The following KIAA0319 variants were observed in gnomAD, a reference collection of about 807,000 sequenced individuals.
KIAA0319 encodes dyslexia-associated protein KIAA0319.
In KIAA0319, 83 loss-of-function variants were observed where a neutral mutation model predicts 108.4. The observed-to-expected ratio is 0.77, with a 90% CI of 0.64 to 0.92. KIAA0319 has a LOEUF of 0.92. Among genes scored for constraint, KIAA0319 ranks in the 40% least tolerant of loss-of-function variants. The probability of loss-of-function intolerance (pLI) is 0.00; values close to 1 mark genes in which losing one functional copy is unlikely to be tolerated. For missense variants in KIAA0319, 1,195 were observed against 1,322.4 expected, an observed-to-expected ratio of 0.90 and a Z score of 1.49; for synonymous variants, 484 against 510.4, an observed-to-expected ratio of 0.95 and a Z score of 0.70.
chr6:24,639,033 A>C (rs1776577338), intron 1 of KIAA0319, among the ~76,000 whole-genome samples: 1 of 152,242 alleles, frequency 6.6e-6, no homozygotes, highest in Admixed American at 6.5e-5. Context: ...AAAACATCAC[A>C]TCTTTCCTGG....
rs752887179 is a variant in KIAA0319 at position 24,610,723 on chromosome 6, C to CA, written c.-105-9516dup. Among the ~76,000 whole-genome samples, 217 of 152,108 alleles carry CA rather than the reference C, an allele frequency of 1.4e-3. 2 individuals carry two copies. Among genetic ancestry groups the CA allele is most frequent in the Admixed American group, 1.2e-3 (18 of 15,290 alleles). ...ATCGCTTGAGCCCACGAGTTTGTGA[C>CA]AAGCCTGGGCAACATAGGCTGAGCC... is the stretch of plus-strand genomic sequence containing the variant. On this transcript the variant is annotated intron_variant, in intron 1 of 20. Coordinates refer to ENST00000378214, the MANE Select transcript of KIAA0319 (RefSeq NM_014809.4).
At chr6:24,609,873 C>G (rs1029123711) in intron 1 of KIAA0319, among the ~76,000 whole-genome samples, 13 of 152,026 alleles carry the variant, frequency 8.6e-5, no homozygotes, top group African/African-American at 2.7e-4. Context: ...CCACAACAAA[C>G]AGATACCAAC....
At chr6:24,587,008 T>C (rs1481668939) in intron 4 of KIAA0319, among the ~76,000 whole-genome samples, 1 of 152,118 alleles carries the variant, frequency 6.6e-6, no homozygotes, top group Non-Finnish European at 1.5e-5. Flanking sequence ...ATGTCCCCCG[T>C]GTCTGCAACT....
intron 4 of KIAA0319, among the ~76,000 whole-genome samples, chr6:24,588,092 T>C (rs1767831300): frequency 6.6e-6 from 1 of 152,230 alleles, no homozygotes; most frequent in Non-Finnish European, 1.5e-5. Flanking sequence ...CTTGTACTTC[T>C]GTTTTCTTGC....
At position 24,572,714 on chromosome 6, in the gene KIAA0319, T is replaced by TA; in HGVS notation, c.1735-17dup. On this transcript the variant is annotated splice_polypyrimidine_tract_variant and intron_variant, in intron 10 of 20. Coordinates refer to ENST00000378214, the MANE Select transcript of KIAA0319 (RefSeq NM_014809.4). Reference sequence around the variant, plus strand: ...TCTGTACTCCCTAAGTAATAGCAAATACAAAAATAAAAACAAAACAAAACA... The same window carrying TA: ...TCTGTACTCCCTAAGTAATAGCAAATAACAAAAATAAAAACAAAACAAAACA... 1 of 1,581,916 alleles carries TA rather than the reference T, an allele frequency of 6.3e-7. No homozygotes were observed. The highest frequency in any genetic ancestry group is 8.6e-7 in the Non-Finnish European group (1 of 1,169,440).
intron 2 of KIAA0319, chr6:24,598,988 T>G: frequency 3.0e-6 from 2 of 673,358 alleles, no homozygotes; most frequent in Non-Finnish European, 5.5e-6. Context: ...TGGAGGAGTC[T>G]CGCCTGGAAG....
chr6:24,613,358 A>G (rs1174934791), intron 1 of KIAA0319, among the ~76,000 whole-genome samples: 3 of 152,044 alleles, frequency 2.0e-5, no homozygotes, highest in Non-Finnish European at 4.4e-5. Flanking sequence ...TCAGGTGAAT[A>G]ATTTTTTTTT....
chr6:24,599,296 G>A lies in KIAA0319; in HGVS notation c.55+1753C>T. ...ATCTCTGAGATGAATCAGAACATCA[G>A]CCGGCTCCAGACTGAGACTGAGGGC... On this transcript the variant is annotated intron_variant, in intron 2 of 20. Transcript: ENST00000378214. This position sits in a 1 kb window ranked among gnomAD's most constrained non-coding sequence, Gnocchi z 4.1. The A allele has an allele frequency of 2.1e-6, 1 of 484,674 alleles. No homozygotes were observed. The highest frequency in any genetic ancestry group is 3.8e-6 in the Non-Finnish European group (1 of 261,130). 30.0% of individuals were successfully genotyped at this position (484,674 alleles called of 1,614,324 possible).
intron 19 of KIAA0319, among the ~76,000 whole-genome samples, chr6:24,552,261 G>A (rs1045854777): frequency 7.9e-5 from 12 of 152,334 alleles, no homozygotes; most frequent in Admixed American, 1.3e-4. Flanking sequence ...GTCCTCACCT[G>A]TAAAATGGGA....
In KIAA0319 at chr6:24,601,222, A is replaced by C; in HGVS notation, c.-105-14T>G. ...TGGCCTCAAGAACTTCAAAGGAAAA[A>C]CATAAAAGAGGAAGGAAGAAAAGAA... On this transcript the variant is annotated splice_polypyrimidine_tract_variant and intron_variant, in intron 1 of 20. Coordinates refer to ENST00000378214, the MANE Select transcript of KIAA0319 (RefSeq NM_014809.4). 6.5e-7 allele frequency: 1 copy of C among 1,541,990 alleles called. No homozygotes were observed. The highest frequency in any genetic ancestry group is 8.7e-7 in the Non-Finnish European group (1 of 1,146,756).
chr6:24,565,665 A>G (rs549158588), intron 14 of KIAA0319, among the ~76,000 whole-genome samples: 1 of 149,846 alleles, frequency 6.7e-6, no homozygotes, highest in South Asian at 2.2e-4. Context: ...AGGCAGGAGA[A>G]TAGCTCGAAC....
chr6:24,556,869 G>T, intron 17 of KIAA0319, 140 bp from the exon 18 acceptor site: 1 of 973,470 alleles, frequency 1.0e-6, no homozygotes, highest in South Asian at 2.1e-5. Flanking sequence ...GTGGACAGGG[G>T]TTCTGGAGAT....
At chr6:24,588,818 T>A in intron 3 of KIAA0319, 33 bp from the exon 4 acceptor site, 1 of 1,401,474 alleles carries the variant, frequency 7.1e-7, no homozygotes, top group Non-Finnish European at 9.7e-7. Flanking sequence ...AAATTGTTAT[T>A]AAAAAAAAAA....
intron 9 of KIAA0319, among the ~76,000 whole-genome samples, chr6:24,577,870 G>T (rs185297487): frequency 1.2e-4 from 19 of 152,166 alleles, no homozygotes; most frequent in Non-Finnish European, 1.9e-4. Flanking sequence ...AAATACAAAT[G>T]AATTAAATGA....
At chr6:24,625,043 C>T (rs1230106672) in intron 1 of KIAA0319, among the ~76,000 whole-genome samples, 3 of 152,198 alleles carry the variant, frequency 2.0e-5, no homozygotes, top group African/African-American at 4.8e-5. Flanking sequence ...CCAGCATGGG[C>T]AACAGAATGA....
chr6:24,554,692 T>C lies in KIAA0319; in HGVS notation c.2858-61A>G, dbSNP rs905168890. The C allele has an allele frequency of 1.3e-5, 15 of 1,188,444 alleles. No homozygotes were observed. The African/African-American group carries it at 2.3e-4, about 18-fold the overall frequency. 73.6% of individuals were successfully genotyped at this position (1,188,444 alleles called of 1,614,324 possible). A position where few individuals can be genotyped will look rare whatever the true frequency, so the allele number is the denominator to read the frequency against. Reference sequence around the variant, plus strand: ...AGGCTATTTGTAGAACAACTTTATTTTGATGATTCATAACAACTATTTCTG... The same window carrying C: ...AGGCTATTTGTAGAACAACTTTATTCTGATGATTCATAACAACTATTTCTG... On this transcript the variant is annotated intron_variant, in intron 18 of 20. Transcript: ENST00000378214.
At chr6:24,639,010 G>A (rs1776573765) in intron 1 of KIAA0319, among the ~76,000 whole-genome samples, 1 of 152,082 alleles carries the variant, frequency 6.6e-6, no homozygotes, top group African/African-American at 2.4e-5. Context: ...ATTTCACAAT[G>A]TACACAAATA....
At chr6:24,597,706 T>A (rs890928439) in intron 2 of KIAA0319, among the ~76,000 whole-genome samples, 1 of 151,992 alleles carries the variant, frequency 6.6e-6, no homozygotes, top group African/African-American at 2.4e-5. Flanking sequence ...ACTAGTTACT[T>A]GATGATTCTT....
chr6:24,572,990 G>A lies in KIAA0319; in HGVS notation c.1735-292C>T, dbSNP rs1372017505. Among the ~76,000 whole-genome samples, 12 of 152,008 alleles carry A rather than the reference G, an allele frequency of 7.9e-5. No individual in the cohort carries two copies. In the East Asian group the frequency reaches 1.7e-3, roughly 22 times the overall value. On this transcript the variant is annotated intron_variant, in intron 10 of 20. Coordinates refer to ENST00000378214, the MANE Select transcript of KIAA0319 (RefSeq NM_014809.4). ...TTAAAAATCAGCTGGGCATGATGGC[G>A]GGCACCTGTAATCCCAGCTACTTAA...
Sources: allele counts gnomAD v4.1 joint callset (sites outside exome capture counted in the v4.1 genomes callset), GRCh38; gene constraint gnomAD v4.1.1; non-coding constraint Gnocchi (gnomAD v3.1); transcripts MANE v1.5; gene names NCBI Gene and HGNC (gene_info 2026-07-23, HGNC 2026-07-21).